The following TPRG1 variants were observed in gnomAD, a reference collection of about 807,000 sequenced individuals.
TPRG1 encodes tumor protein p63-regulated gene 1 protein.
Under a neutral mutation model 29.3 loss-of-function variants are expected in TPRG1, and 29 were observed. The observed-to-expected ratio is 0.99, with a 90% CI of 0.74 to 1.35. The LOEUF (loss-of-function observed/expected upper bound fraction) is 1.35, where lower values mean the gene tolerates loss of function less well. Ranked by LOEUF, TPRG1 falls within the 40% of genes most tolerant of loss-of-function variation. The probability of loss-of-function intolerance (pLI) is 0.00; values close to 1 mark genes in which losing one functional copy is unlikely to be tolerated. For missense variants in TPRG1, 327 were observed against 335.0 expected, an observed-to-expected ratio of 0.98 and a Z score of 0.19; for synonymous variants, 130 against 116.8, an observed-to-expected ratio of 1.11 and a Z score of -0.73.
At chr3:189,193,638 TA>T (rs1176155802) in intron 1 of TPRG1, among the ~76,000 whole-genome samples, 1 of 151,362 alleles carries the variant, frequency 6.6e-6, no homozygotes, top group East Asian at 2.0e-4. Flanking sequence ...TCTGACTTTG[TA>T]ATTTCAAATT....
At chr3:189,221,666 A>G (rs1428237424) in intron 3 of TPRG1, among the ~76,000 whole-genome samples, 2 of 152,208 alleles carry the variant, frequency 1.3e-5, no homozygotes, top group African/African-American at 4.8e-5. Flanking sequence ...ACAAAGGAAC[A>G]TTGAAGAAAT....
chr3:189,135,342 C>T (rs1006583870), intron 3 of TPRG1, among the ~76,000 whole-genome samples: 3 of 152,216 alleles, frequency 2.0e-5, no homozygotes, highest in Non-Finnish European at 2.9e-5. Context: ...TCAATTGTCT[C>T]AACATCTTCA....
chr3:189,317,674 G>A (rs1302688957), intron 5 of TPRG1, among the ~76,000 whole-genome samples: 1 of 152,168 alleles, frequency 6.6e-6, no homozygotes, highest in Non-Finnish European at 1.5e-5. Context: ...TTAGTTCAGT[G>A]GTTCTCAAGA....
At chr3:189,134,802 T>A (rs1723545215) in intron 3 of TPRG1, among the ~76,000 whole-genome samples, 1 of 152,174 alleles carries the variant, frequency 6.6e-6, no homozygotes, top group African/African-American at 2.4e-5. Flanking sequence ...TTACAGTGAT[T>A]TACTGATCTA....
chr3:189,150,796 G>C (rs138471145), exon 5 of TPRG1: 2 of 152,100 alleles, frequency 1.3e-5, no homozygotes, highest in Admixed American at 1.3e-4. Flanking sequence ...GGCTCTCCAC[G>C]TACTGTCTGG....
At chr3:189,175,602 G>C (rs1406774110) in intron 1 of TPRG1, among the ~76,000 whole-genome samples, 1 of 152,142 alleles carries the variant, frequency 6.6e-6, no homozygotes, top group African/African-American at 2.4e-5. Context: ...GCACACCTTA[G>C]CTCTACATTA....
chr3:189,040,797 A>G (rs1476897376), intron 4 of TPRG1, among the ~76,000 whole-genome samples: 1 of 152,164 alleles, frequency 6.6e-6, no homozygotes, highest in African/African-American at 2.4e-5. Flanking sequence ...TGATTTGGGC[A>G]CAAGTCCCTA....
chr3:189,126,701 T>C (rs992706951), intron 1 of TPRG1, among the ~76,000 whole-genome samples: 1 of 152,210 alleles, frequency 6.6e-6, no homozygotes, highest in Non-Finnish European at 1.5e-5. Flanking sequence ...ATTGTTCAAA[T>C]GGAAATTGGA....
chr3:189,209,086 G>C (rs1054812649), intron 2 of TPRG1, among the ~76,000 whole-genome samples: 1 of 152,202 alleles, frequency 6.6e-6, no homozygotes, highest in Non-Finnish European at 1.5e-5. Flanking sequence ...CTCCCACCAA[G>C]TCTAACCTTG....
At chr3:189,100,956 A>G (rs977029005) in intron 1 of TPRG1, among the ~76,000 whole-genome samples, 3 of 152,234 alleles carry the variant, frequency 2.0e-5, no homozygotes, top group Non-Finnish European at 4.4e-5. Context: ...AGCAAATGCC[A>G]TGGTTTTCTA....
chr3:189,311,690 C>T (rs1157946714), intron 5 of TPRG1, among the ~76,000 whole-genome samples: 1 of 152,048 alleles, frequency 6.6e-6, no homozygotes, highest in Non-Finnish European at 1.5e-5. Context: ...TCACGGTGTC[C>T]CTCAGGCTCC....
chr3:189,155,809 G>C (rs1280591906), intron 5 of TPRG1, among the ~76,000 whole-genome samples: 1 of 152,188 alleles, frequency 6.6e-6, no homozygotes, highest in Non-Finnish European at 1.5e-5. Flanking sequence ...GCAGAGTGTA[G>C]AATTTGGTTA....
intron 5 of TPRG1, among the ~76,000 whole-genome samples, chr3:189,155,030 G>A (rs553534156): frequency 4.7e-4 from 72 of 152,308 alleles, no homozygotes; most frequent in Admixed American, 1.0e-3. Context: ...TAGGCAGAGC[G>A]AACAGCAGGT....
rs758683654 is a variant in TPRG1 at position 189,320,860 on chromosome 3, G to A, written c.*40G>A. 4 of 1,422,914 alleles carry A rather than the reference G, an allele frequency of 2.8e-6. No homozygotes were observed. The highest frequency in any genetic ancestry group is 2.5e-5 in the East Asian group (1 of 39,274). The allele number at this position is 1,422,914 out of a possible 1,614,324, so 88.1% of individuals were successfully genotyped here. ...CCATAAGCATATCATCCACAGATAT[G>A]TCACTTTGAAAATTCCAGTTTGACC... On this transcript the variant is annotated 3_prime_UTR_variant, in exon 6 of 6. Transcript: ENST00000345063.
chr3:189,097,917 C>T (rs188022172), upstream of TPRG1, among the ~76,000 whole-genome samples: 1 of 152,286 alleles, frequency 6.6e-6, no homozygotes, highest in East Asian at 1.9e-4. Context: ...TGTTTTCCCC[C>T]CTTTACGTAG....
At chr3:189,083,887 A>G (rs1444229109) in intron 4 of TPRG1, among the ~76,000 whole-genome samples, 2 of 152,146 alleles carry the variant, frequency 1.3e-5, no homozygotes, top group Admixed American at 1.3e-4. Flanking sequence ...GGTTATTAAA[A>G]ACAAAATGGG....
chr3:189,114,560 G>A (rs908175968), intron 1 of TPRG1, among the ~76,000 whole-genome samples: 1 of 152,132 alleles, frequency 6.6e-6, no homozygotes, highest in Admixed American at 6.5e-5. Context: ...TGGGATTATA[G>A]GAGATCACTG....
chr3:189,011,571 C>T (rs1053337024), intron 3 of TPRG1, among the ~76,000 whole-genome samples: 19 of 152,214 alleles, frequency 1.2e-4, no homozygotes, highest in African/African-American at 3.6e-4. Flanking sequence ...AGAGCTTGTG[C>T]GGGGCAACTC....
intron 3 of TPRG1, among the ~76,000 whole-genome samples, chr3:189,145,861 C>T (rs1246466529): frequency 5.3e-5 from 8 of 152,056 alleles, no homozygotes; most frequent in South Asian, 2.1e-4. Flanking sequence ...TCAGAAAGTA[C>T]GTTAATGATG....
Sources: allele counts gnomAD v4.1 joint callset (sites outside exome capture counted in the v4.1 genomes callset), GRCh38; gene constraint gnomAD v4.1.1; transcripts MANE v1.5; gene names NCBI Gene and HGNC (gene_info 2026-07-23, HGNC 2026-07-21).